The following EVA1C variants were observed in gnomAD, a reference collection of about 807,000 sequenced individuals.
The protein encoded by EVA1C is protein eva-1 homolog C.
EVA1C carries 25 observed loss-of-function variants against 45.4 expected under a neutral mutation model. The observed-to-expected ratio is 0.55, with a 90% CI of 0.40 to 0.77. The LOEUF (loss-of-function observed/expected upper bound fraction) is 0.77, where lower values mean the gene tolerates loss of function less well. EVA1C is among the 30% of genes least tolerant of loss of function. The pLI is 0.00. For missense variants in EVA1C, 479 were observed against 554.8 expected, an observed-to-expected ratio of 0.86 and a Z score of 1.37; for synonymous variants, 190 against 221.2, an observed-to-expected ratio of 0.86 and a Z score of 1.25.
intron 1 of EVA1C, among the ~76,000 whole-genome samples, chr21:32,424,643 A>G (rs2034417535): frequency 1.3e-5 from 2 of 152,188 alleles, no homozygotes; most frequent in Non-Finnish European, 1.5e-5. Flanking sequence ...CCCTGGACAC[A>G]AAGACTCAGA....
Position 32,452,500 on chromosome 21 carries a change from G to A in EVA1C, c.161-812G>A, listed in dbSNP as rs575814748. 1.4e-4 allele frequency: 22 copies of A among 152,396 alleles called. No homozygotes were observed. Among genetic ancestry groups the A allele is most frequent in the African/African-American group, 5.3e-4 (22 of 41,582 alleles). 9.4% of individuals were successfully genotyped at this position (152,396 alleles called of 1,614,324 possible). ...GGTGTTTACAGCTCCCGAAGCCCCA[G>A]TGGGCATGTGTTACAGTGGTCTCCT... On this transcript the variant is annotated intron_variant, in intron 1 of 7. Transcript: ENST00000300255. The surrounding 1 kb of genome is among the most constrained non-coding windows in gnomAD (Gnocchi z 4.0).
chr21:32,430,338 A>G (rs2034650677), intron 1 of EVA1C, among the ~76,000 whole-genome samples: 1 of 152,042 alleles, frequency 6.6e-6, no homozygotes. Context: ...AGTCACCCAC[A>G]TAATGACAGG....
intron 1 of EVA1C, among the ~76,000 whole-genome samples, chr21:32,445,437 G>A (rs1200926408): frequency 2.6e-5 from 4 of 152,212 alleles, no homozygotes; most frequent in African/African-American, 9.6e-5. Flanking sequence ...GGTGAGCGAT[G>A]TATGTAGCTT....
chr21:32,428,496 A>T (rs537469048), intron 1 of EVA1C: 1 of 152,362 alleles, frequency 6.6e-6, no homozygotes, highest in Admixed American at 6.5e-5. Flanking sequence ...TAGCTAAAAC[A>T]CGAACCAGGA....
intron 1 of EVA1C, among the ~76,000 whole-genome samples, chr21:32,442,713 T>C (rs546737609): frequency 4.8e-5 from 7 of 145,158 alleles, no homozygotes; most frequent in African/African-American, 1.8e-4. Context: ...ACGTAGCAAA[T>C]TGAATTCCTT....
intron 5 of EVA1C, among the ~76,000 whole-genome samples, chr21:32,498,836 C>T (rs1314086784): frequency 6.6e-6 from 1 of 152,080 alleles, no homozygotes; most frequent in Non-Finnish European, 1.5e-5. Flanking sequence ...GTGTTTTCAC[C>T]AACATATCTG....
At chr21:32,440,677 A>T (rs2035141720) in intron 1 of EVA1C, among the ~76,000 whole-genome samples, 1 of 152,180 alleles carries the variant, frequency 6.6e-6, no homozygotes, top group Non-Finnish European at 1.5e-5. Flanking sequence ...GTAGCATATC[A>T]CACAGAGAAA....
Position 32,515,138 on chromosome 21 carries a change from T to TGAAC in EVA1C, c.1275_1278dup (p.Ser427GlufsTer?), listed in dbSNP as rs1185354444. On this transcript the variant is annotated frameshift_variant, in exon 8 of 8. Coordinates refer to ENST00000300255, the MANE Select transcript of EVA1C (RefSeq NM_058187.5). LOFTEE classifies it high-confidence loss of function. ...GAGCAAATCATTCAGGAAATATGGA[T>TGAAC]GAACAGTGGTTTGGACACCTCGCTC... 1 of 1,612,918 alleles carries TGAAC rather than the reference T, an allele frequency of 6.2e-7. No homozygotes were observed. Among genetic ancestry groups the TGAAC allele is most frequent in the South Asian group, 1.1e-5 (1 of 90,944 alleles).
At chr21:32,445,134 G>C (rs1485340308) in intron 1 of EVA1C, among the ~76,000 whole-genome samples, 1 of 152,140 alleles carries the variant, frequency 6.6e-6, no homozygotes, top group Non-Finnish European at 1.5e-5. Context: ...GATGGATATT[G>C]GGGGAATATA....
intron 1 of EVA1C, among the ~76,000 whole-genome samples, chr21:32,436,947 G>A (rs1466129612): frequency 6.6e-6 from 1 of 152,138 alleles, no homozygotes; most frequent in East Asian, 1.9e-4. Flanking sequence ...ATCACTTGAG[G>A]TCACGAGTTC....
chr21:32,510,851 A>G (rs1217768776), intron 7 of EVA1C, among the ~76,000 whole-genome samples: 1 of 152,082 alleles, frequency 6.6e-6, no homozygotes, highest in Non-Finnish European at 1.5e-5. Flanking sequence ...CCCGGGCAAC[A>G]AAGTCAGACC....
At chr21:32,459,306 T>G (rs200781759) in intron 3 of EVA1C, among the ~76,000 whole-genome samples, 1 of 152,138 alleles carries the variant, frequency 6.6e-6, no homozygotes, top group East Asian at 1.9e-4. Flanking sequence ...CTGAACTCCC[T>G]TCGTGACCCC....
intron 3 of EVA1C, among the ~76,000 whole-genome samples, chr21:32,461,997 C>T (rs906956858): frequency 2.0e-5 from 3 of 152,116 alleles, no homozygotes; most frequent in African/African-American, 7.2e-5. Flanking sequence ...ACTGTGAAAA[C>T]ACAGTGTTGT....
chr21:32,469,175 G>A (rs73353050), intron 4 of EVA1C, among the ~76,000 whole-genome samples: 1,885 of 152,282 alleles, frequency 0.012, 31 homozygotes, highest in Admixed American at 0.038. Flanking sequence ...TGGAGCTGAC[G>A]TTCCAGCAGT....
rs180953025 is a variant in EVA1C, at chr21:32,503,660, G to A, written c.860-266G>A. ...TCCACTTATTCCCTTCCACAGTGGA[G>A]TGGAAGACCAGCACCTGAAGTTGGA... On this transcript the variant is annotated intron_variant, in intron 6 of 7. Coordinates refer to ENST00000300255, the MANE Select transcript of EVA1C (RefSeq NM_058187.5). 2.5e-3 allele frequency among the ~76,000 whole-genome samples: 383 copies of A among 152,304 alleles called. 1 individual carries two copies. The highest frequency in any genetic ancestry group is 3.3e-3 in the Admixed American group (51 of 15,296).
Position 32,515,044 on chromosome 21 carries a change from T to C in EVA1C, c.1180T>C (p.Cys394Arg), listed in dbSNP as rs1255239115. 6 of 1,614,078 alleles carry C rather than the reference T, an allele frequency of 3.7e-6. No homozygotes were observed. The highest frequency in any genetic ancestry group is 3.3e-5 in the South Asian group (3 of 91,092). Residue 394 changes from cysteine to arginine, a missense_variant, in exon 8 of 8, where the codon TGT becomes CGT. By Grantham distance (180) the Cys-to-Arg change is radical. Transcript: ENST00000300255. ...TTTCCCAGGGGAACTGTCGGGGTTC[T>C]GTAGGACTTCATATCCTATATACAG... ...SDFPGELSGFCRTSYPIYSSI... is the reference protein window; with the variant it reads ...SDFPGELSGFRRTSYPIYSSI...
At chr21:32,414,021 T>A (rs1210856384) in intron 1 of EVA1C, among the ~76,000 whole-genome samples, 1 of 152,246 alleles carries the variant, frequency 6.6e-6, no homozygotes, top group African/African-American at 2.4e-5. Flanking sequence ...CAGTCCTGTT[T>A]GTGCAGTAGG....
Position 32,514,967 on chromosome 21 carries a change from T to G in EVA1C, c.1103T>G (p.Val368Gly), listed in dbSNP as rs201127268. 6.2e-7 allele frequency: 1 copy of G among 1,614,048 alleles called. No homozygotes were observed. Among genetic ancestry groups the G allele is most frequent in the African/African-American group, 1.3e-5 (1 of 74,998 alleles). Residue 368 changes from valine (V) to glycine (G), a missense_variant, in exon 8 of 8, where the codon GTC (valine) becomes GGC (glycine). By Grantham distance (109) the Val-to-Gly change is moderately radical. Transcript: ENST00000300255. ...REQLVPGSDK[V>G]EEDSEDEEEE... ...CAGCTGGTGCCAGGAAGTGACAAGG[T>G]CGAGGAGGACAGCGAGGATGAAGAA...
At chr21:32,493,093 T>G (rs1236246673) in intron 4 of EVA1C, among the ~76,000 whole-genome samples, 1 of 152,190 alleles carries the variant, frequency 6.6e-6, no homozygotes, top group Non-Finnish European at 1.5e-5. Context: ...AAAACAAACA[T>G]AGTTTCTCAC....
Sources: gnomAD v4.1 joint callset for allele counts (sites outside exome capture counted in the v4.1 genomes callset) on GRCh38, gnomAD v4.1.1 for gene constraint, Gnocchi (gnomAD v3.1) non-coding constraint, MANE v1.5 for transcripts, NCBI Gene and HGNC (gene_info 2026-07-23, HGNC 2026-07-21) for gene names.